The following MGAT5 variants were observed in gnomAD, a reference collection of about 807,000 sequenced individuals.
MGAT5 encodes alpha-1,6-mannosylglycoprotein 6-beta-N-acetylglucosaminyltransferase.
A neutral mutation model predicts 94.3 loss-of-function variants in MGAT5; 30 were observed. The observed-to-expected ratio is 0.32, with a 90% CI of 0.24 to 0.43. MGAT5 has a LOEUF of 0.43. Among genes scored for constraint, MGAT5 ranks in the 20% least tolerant of loss-of-function variants. The pLI is 1.00. For missense variants in MGAT5, 691 were observed against 905.5 expected, an observed-to-expected ratio of 0.76 and a Z score of 3.04; for synonymous variants, 310 against 322.9, an observed-to-expected ratio of 0.96 and a Z score of 0.43.
intron 9 of MGAT5, among the ~76,000 whole-genome samples, chr2:134,356,068 G>A (rs915816153): frequency 2.0e-5 from 3 of 151,894 alleles, no homozygotes; most frequent in Non-Finnish European, 2.9e-5. Flanking sequence ...TTATTTATGC[G>A]TGTATGTGTT....
chr2:134,202,509 C>T (rs562759794), intron 1 of MGAT5, among the ~76,000 whole-genome samples: 1 of 152,190 alleles, frequency 6.6e-6, no homozygotes, highest in Non-Finnish European at 1.5e-5. Context: ...TCACAAATTG[C>T]GCAGTCTAAA....
chr2:134,277,008 G>T (rs1205073416), intron 2 of MGAT5, among the ~76,000 whole-genome samples: 2 of 152,172 alleles, frequency 1.3e-5, no homozygotes, highest in Non-Finnish European at 1.5e-5. Context: ...GAGAGACAAG[G>T]TTCCATGAGG....
chr2:134,418,113 C>T (rs779425970), intron 12 of MGAT5, among the ~76,000 whole-genome samples: 3 of 152,062 alleles, frequency 2.0e-5, no homozygotes, highest in Non-Finnish European at 4.4e-5. Context: ...TTAGGACACT[C>T]TTAAACACAA....
chr2:134,235,777 A>G (rs1681610115), intron 1 of MGAT5, among the ~76,000 whole-genome samples: 1 of 146,690 alleles, frequency 6.8e-6, no homozygotes, highest in East Asian at 2.0e-4. Flanking sequence ...TAATGGGCTT[A>G]TAAATCTAGT....
chr2:134,447,363 C>G (rs191749292), intron 15 of MGAT5, among the ~76,000 whole-genome samples: 93 of 152,342 alleles, frequency 6.1e-4, no homozygotes, highest in African/African-American at 2.2e-3. Flanking sequence ...CGACAATGAC[C>G]ACAATCCTGA....
At position 134,349,813 on chromosome 2, in the gene MGAT5, T is replaced by C; in HGVS notation, c.1121T>C (p.Leu374Pro). Reference sequence around the variant, plus strand: ...TTGCTTTTTTCTTTCAGGTGCATGCTCCGAGTCCTTGATTCATTTGGTACT... The same window carrying C: ...TTGCTTTTTTCTTTCAGGTGCATGCCCCGAGTCCTTGATTCATTTGGTACT... ...GPSWVHYQCM[L>P]RVLDSFGTEP... The change falls in exon 9 of 16, where the codon CTC (leucine) becomes CCC (proline). Residue 374 changes from leucine to proline, a missense_variant. Coordinates refer to ENST00000281923, the MANE Select transcript of MGAT5 (RefSeq NM_002410.5). 1 of 1,613,470 alleles carries C rather than the reference T, an allele frequency of 6.2e-7. No homozygotes were observed. The highest frequency in any genetic ancestry group is 8.5e-7 in the Non-Finnish European group (1 of 1,179,604).
At chr2:134,235,629 G>A (rs1425351876) in intron 1 of MGAT5, among the ~76,000 whole-genome samples, 1 of 151,820 alleles carries the variant, frequency 6.6e-6, no homozygotes, top group African/African-American at 2.4e-5. Flanking sequence ...TCCAAATGGT[G>A]TATTCATGGC....
At chr2:134,229,484 T>C (rs1412928225) in intron 1 of MGAT5, among the ~76,000 whole-genome samples, 1 of 152,244 alleles carries the variant, frequency 6.6e-6, no homozygotes, top group Admixed American at 6.5e-5. Context: ...ATAAGATCTT[T>C]GCCGTGTTTA....
chr2:134,389,729 ATTC>A (rs1340994748), intron 10 of MGAT5, among the ~76,000 whole-genome samples: 2 of 152,216 alleles, frequency 1.3e-5, no homozygotes, highest in East Asian at 3.8e-4. Flanking sequence ...GAGTACTTGT[ATTC>A]TTGCCTAAGT....
In MGAT5 at chr2:134,336,256, A is replaced by T; in HGVS notation, c.613A>T (p.Asn205Tyr). 6.2e-7 allele frequency: 1 copy of T among 1,612,918 alleles called. No individual in the cohort carries two copies. ...WCPHLPWRAK[N>Y]PYEEADHNSL... ...TCCTCATTTACCTTGGAGAGCAAAA[A>T]ATCCCTACGAAGAAGCTGATCATAA... is the stretch of plus-strand genomic sequence containing the variant. Residue 205 changes from asparagine (N) to tyrosine (Y), a missense_variant, in exon 5 of 16, where the codon AAT becomes TAT. Asn to Tyr is a moderately radical substitution (Grantham distance 143). Coordinates refer to ENST00000281923, the MANE Select transcript of MGAT5 (RefSeq NM_002410.5).
At chr2:134,237,045 A>G (rs1055794097) in intron 1 of MGAT5, among the ~76,000 whole-genome samples, 1 of 152,098 alleles carries the variant, frequency 6.6e-6, no homozygotes, top group Admixed American at 6.5e-5. Context: ...CAAATGTGCT[A>G]GTAATCTCTC....
intron 10 of MGAT5, among the ~76,000 whole-genome samples, chr2:134,383,708 ATTTT>A (rs531981933): frequency 7.0e-6 from 1 of 143,330 alleles, no homozygotes; most frequent in Non-Finnish European, 1.5e-5. Context: ...TGAGCTAAGC[ATTTT>A]TTTTTTTTTT....
At position 134,441,740 on chromosome 2, in the gene MGAT5, G is replaced by A. The variant is rs1465989795; in HGVS notation, c.1870-18G>A. The A allele has an allele frequency of 6.2e-7, 1 of 1,600,574 alleles. No individual in the cohort carries two copies. The highest frequency in any genetic ancestry group is 1.7e-4 in the Middle Eastern group (1 of 6,010). The stretch of plus-strand genomic sequence containing the variant: ...TGTATCCTTGGACCTGTGGCTGATG[G>A]CTTCATTGTCGTTCTAGGACTTCTG... On this transcript the variant is annotated intron_variant, in intron 14 of 15. Transcript: ENST00000281923.
chr2:134,149,853 G>A (rs949241565), intron 1 of MGAT5, among the ~76,000 whole-genome samples: 2 of 152,232 alleles, frequency 1.3e-5, no homozygotes, highest in Non-Finnish European at 2.9e-5. Context: ...AGTTACTGGA[G>A]TGCAGTGAGA....
chr2:134,201,556 G>C lies in MGAT5; in HGVS notation c.-142-52706G>C, dbSNP rs191690956. Among the ~76,000 whole-genome samples, 212 of 152,248 alleles carry C rather than the reference G, an allele frequency of 1.4e-3. 1 individual carries two copies. The highest frequency in any genetic ancestry group is 4.6e-3 in the African/African-American group (193 of 41,546). On this transcript the variant is annotated intron_variant, in intron 1 of 16. Coordinates refer to the MGAT5 transcript ENST00000409645. The stretch of plus-strand genomic sequence containing the variant: ...AAGTCAGCATCTTCCACAGCACCGG[G>C]TCAGCTTGTGATGGTTCCAGACAGG...
chr2:134,255,188 C>A (rs1268557308), intron 1 of MGAT5, among the ~76,000 whole-genome samples: 1 of 152,232 alleles, frequency 6.6e-6, no homozygotes, highest in East Asian at 1.9e-4. Context: ...GCCCTTGTCT[C>A]TAACTGCCCT....
chr2:134,286,453 A>C (rs958376551), intron 2 of MGAT5, among the ~76,000 whole-genome samples: 2 of 151,292 alleles, frequency 1.3e-5, no homozygotes, highest in East Asian at 3.9e-4. Context: ...TTTTTTTAAG[A>C]TGGAGTCTCG....
rs549285864 is a variant in MGAT5 at position 134,268,196 on chromosome 2, A to T, written c.242-2190A>T. ...GTTGAGAAATCCTGAGTTAAGTCAC[A>T]CTAGAGGGCCAGGGCTTCTGTGCTT... On this transcript the variant is annotated intron_variant, in intron 1 of 15. Transcript: ENST00000281923. This position sits in a 1 kb window ranked among gnomAD's most constrained non-coding sequence, Gnocchi z 4.1. Among the ~76,000 whole-genome samples the T allele has an allele frequency of 6.6e-6, 1 of 152,188 alleles. No homozygotes were observed. Among genetic ancestry groups the T allele is most frequent in the Non-Finnish European group, 1.5e-5 (1 of 68,034 alleles).
At chr2:134,351,852 T>A (rs1679407493) in intron 9 of MGAT5, among the ~76,000 whole-genome samples, 1 of 152,004 alleles carries the variant, frequency 6.6e-6, no homozygotes, top group Non-Finnish European at 1.5e-5. Flanking sequence ...CATATAAAAA[T>A]TGAGAAGAAA....
Sources: gnomAD v4.1 joint callset for allele counts (sites outside exome capture counted in the v4.1 genomes callset) on GRCh38, gnomAD v4.1.1 for gene constraint, Gnocchi (gnomAD v3.1) non-coding constraint, MANE v1.5 for transcripts, NCBI Gene and HGNC (gene_info 2026-07-23, HGNC 2026-07-21) for gene names.